Variants in PCDH15 observed in about 807,000 individuals in gnomAD.
The protein encoded by PCDH15 is protocadherin-15.
PCDH15 carries 129 observed loss-of-function variants against 178.5 expected under a neutral mutation model. The observed-to-expected ratio is 0.72, with a 90% CI of 0.63 to 0.84. The LOEUF is 0.84. Ranked by LOEUF, PCDH15 falls within the 40% of genes least tolerant of loss-of-function variation. PCDH15 has a pLI of 0.00. For synonymous variants in PCDH15, 800 were observed against 732.0 expected (o/e 1.09, Z -1.50); for missense variants, 2,230 against 2,099.9 (o/e 1.06, Z -1.21).
intron 3 of PCDH15, among the ~76,000 whole-genome samples, chr10:54,849,249 A>C (rs1222249815): frequency 6.6e-6 from 1 of 152,128 alleles, no homozygotes. Context: ...CATGCTGTTA[A>C]ATCCTCACAA....
At chr10:53,822,727 G>C in intron 32 of PCDH15, 1 of 1,614,014 alleles carries the variant, frequency 6.2e-7, no homozygotes, top group South Asian at 1.1e-5. Context: ...GAGAAGTGAG[G>C]CCTGGGAAAG....
intron 1 of PCDH15, among the ~76,000 whole-genome samples, chr10:54,741,809 G>C (rs117433169): frequency 6.6e-6 from 1 of 151,600 alleles, no homozygotes; most frequent in Non-Finnish European, 1.5e-5. Flanking sequence ...TTCTCTCTTC[G>C]ACTTCAAAAG....
intron 3 of PCDH15, among the ~76,000 whole-genome samples, chr10:54,860,116 C>T (rs946682839): frequency 6.6e-6 from 1 of 151,860 alleles, no homozygotes; most frequent in South Asian, 2.1e-4. Context: ...TAAAATTATT[C>T]TTTTCTTTCC....
chr10:54,428,632 G>A (rs1956584529), intron 3 of PCDH15, among the ~76,000 whole-genome samples: 1 of 152,004 alleles, frequency 6.6e-6, no homozygotes, highest in Non-Finnish European at 1.5e-5. Flanking sequence ...GGGCATTGAG[G>A]CATTCGATAA....
intron 13 of PCDH15, among the ~76,000 whole-genome samples, chr10:54,154,235 T>C (rs928416002): frequency 1.5e-4 from 23 of 152,184 alleles, no homozygotes; most frequent in Non-Finnish European, 3.4e-4. Flanking sequence ...ATAGTAAGCA[T>C]TTTACATACA....
intron 2 of PCDH15, among the ~76,000 whole-genome samples, chr10:54,573,232 C>A (rs2090049344): frequency 6.6e-6 from 1 of 152,040 alleles, no homozygotes; most frequent in Non-Finnish European, 1.5e-5. Context: ...TCCAAATGTA[C>A]AATACCATAG....
At chr10:54,737,278 G>T (rs1944245851) in intron 1 of PCDH15, among the ~76,000 whole-genome samples, 1 of 152,108 alleles carries the variant, frequency 6.6e-6, no homozygotes, top group African/African-American at 2.4e-5. Context: ...CACATAAGAG[G>T]TGTCTGATTG....
chr10:54,007,416 C>T (rs1393037349), intron 20 of PCDH15, among the ~76,000 whole-genome samples: 2 of 151,798 alleles, frequency 1.3e-5, no homozygotes, highest in East Asian at 3.9e-4. Flanking sequence ...ATCACAGATT[C>T]AGTTCTTCTA....
At chr10:54,977,477 T>C (rs1839102761) in intron 2 of PCDH15, among the ~76,000 whole-genome samples, 1 of 152,142 alleles carries the variant, frequency 6.6e-6, no homozygotes, top group Admixed American at 6.5e-5. Flanking sequence ...ACAAACGCCA[T>C]GGCAATATCC....
At position 54,986,356 on chromosome 10, in the gene PCDH15, A is replaced by G. The variant is rs79378705; in HGVS notation, c.-79-88856T>C. On this transcript the variant is annotated intron_variant, in intron 2 of 5. Transcript: ENST00000458638. ...CACACAGGATTGAGAAAAAAAAAATATGACATATATCTGGAAAAGTACAAC... is the reference window on the plus strand; with the variant it reads ...CACACAGGATTGAGAAAAAAAAAATGTGACATATATCTGGAAAAGTACAAC... Among the ~76,000 whole-genome samples, 236 of 151,110 alleles carry G rather than the reference A, an allele frequency of 1.6e-3. 2 individuals carry two copies. Among genetic ancestry groups the G allele is most frequent in the African/African-American group, 5.6e-3 (228 of 40,850 alleles).
chr10:54,299,235 A>G (rs985921863), intron 8 of PCDH15, among the ~76,000 whole-genome samples: 3 of 151,986 alleles, frequency 2.0e-5, no homozygotes, highest in Non-Finnish European at 4.4e-5. Context: ...GAGACAAAGA[A>G]GAAGTCAAAG....
intron 8 of PCDH15, among the ~76,000 whole-genome samples, chr10:54,247,321 G>A (rs1418955566): frequency 6.6e-6 from 1 of 151,900 alleles, no homozygotes; most frequent in Non-Finnish European, 1.5e-5. Flanking sequence ...TTTCTTGAGA[G>A]CAAAGTGAAG....
intron 3 of PCDH15, among the ~76,000 whole-genome samples, chr10:54,450,707 GA>G (rs1004928714): frequency 2.0e-5 from 3 of 149,610 alleles, no homozygotes; most frequent in East Asian, 2.0e-4. Flanking sequence ...AGCTTCAATT[GA>G]AAAAAAAATC....
rs979194060 is a variant in PCDH15, at chr10:53,995,557, A to T, written c.2868+92T>A. On this transcript the variant is annotated intron_variant, in intron 21 of 37. Coordinates refer to ENST00000644397, the MANE Select transcript of PCDH15 (RefSeq NM_001384140.1). ...AATAAATAGGGTGAAATTTACAGAG[A>T]CTACTTTTGCTGTCTTGTGATTCGG... 22 of 1,609,560 alleles carry T rather than the reference A, an allele frequency of 1.4e-5. No homozygotes were observed. The African/African-American group carries it at 2.9e-4, about 21-fold the overall frequency.
chr10:55,031,649 T>G (rs1002648822), intron 2 of PCDH15, among the ~76,000 whole-genome samples: 1 of 152,236 alleles, frequency 6.6e-6, no homozygotes, highest in East Asian at 1.9e-4. Context: ...AAGGTGAGGT[T>G]TTTTAGAGGT....
chr10:53,952,061 A>G (rs933179382), intron 23 of PCDH15, among the ~76,000 whole-genome samples: 3 of 152,332 alleles, frequency 2.0e-5, no homozygotes, highest in African/African-American at 7.2e-5. Context: ...AACAGAAACC[A>G]GAGTCCCAAA....
intron 3 of PCDH15, among the ~76,000 whole-genome samples, chr10:54,410,972 C>G (rs543523805): frequency 1.3e-5 from 2 of 152,066 alleles, no homozygotes; most frequent in South Asian, 4.1e-4. Flanking sequence ...TAATACTGCT[C>G]TACAATATTA....
chr10:53,991,071 G>T (rs1259218144), intron 21 of PCDH15, among the ~76,000 whole-genome samples: 4 of 152,112 alleles, frequency 2.6e-5, no homozygotes, highest in African/African-American at 9.7e-5. Flanking sequence ...GGGACCTGCA[G>T]CCCGCCATGG....
intron 2 of PCDH15, among the ~76,000 whole-genome samples, chr10:54,988,916 C>T (rs1002929464): frequency 6.6e-6 from 1 of 152,098 alleles, no homozygotes; most frequent in Non-Finnish European, 1.5e-5. Context: ...TTCACAGCAG[C>T]CCTCCCAACA....
Sources: allele counts gnomAD v4.1 joint callset (sites outside exome capture counted in the v4.1 genomes callset), GRCh38; gene constraint gnomAD v4.1.1; transcripts MANE v1.5; gene names NCBI Gene and HGNC (gene_info 2026-07-23, HGNC 2026-07-21).